The following ARHGAP18 variants were observed in gnomAD, a reference collection of about 807,000 sequenced individuals.
The protein encoded by ARHGAP18 is Rho GTPase activating protein 18, also known as rho GTPase-activating protein 18.
Under a neutral mutation model 86.2 loss-of-function variants are expected in ARHGAP18, and 67 were observed. The observed-to-expected ratio is 0.78, with a 90% confidence interval of 0.64 to 0.95. ARHGAP18 has a LOEUF of 0.95. Among genes scored for constraint, ARHGAP18 ranks in the 40% least tolerant of loss-of-function variants. The probability of loss-of-function intolerance (pLI) is 0.00; values close to 1 mark genes in which losing one functional copy is unlikely to be tolerated. For missense variants in ARHGAP18, 691 were observed against 780.4 expected, an observed-to-expected ratio of 0.89 and a Z score of 1.37; for synonymous variants, 283 against 280.4, an observed-to-expected ratio of 1.01 and a Z score of -0.09.
chr6:129,596,437 G>T (rs925021374), intron 12 of ARHGAP18, among the ~76,000 whole-genome samples: 1 of 152,094 alleles, frequency 6.6e-6, no homozygotes, highest in African/African-American at 2.4e-5. Flanking sequence ...ACTTAATAGT[G>T]CCAGGGGATC....
At chr6:129,594,091 G>A (rs1481847309) in intron 12 of ARHGAP18, among the ~76,000 whole-genome samples, 2 of 152,132 alleles carry the variant, frequency 1.3e-5, no homozygotes, top group African/African-American at 4.8e-5. Flanking sequence ...GACTACAGGT[G>A]CATGCCACTG....
intron 9 of ARHGAP18, 55 bp downstream of exon 9, chr6:129,607,838 A>T: frequency 6.7e-7 from 1 of 1,498,478 alleles, no homozygotes; most frequent in South Asian, 1.4e-5. Context: ...TCATTAAAAC[A>T]ATTAACATAG....
intron 1 of ARHGAP18, among the ~76,000 whole-genome samples, chr6:129,709,177 G>C (rs1293851260): frequency 6.6e-6 from 1 of 152,104 alleles, no homozygotes; most frequent in Non-Finnish European, 1.5e-5. Flanking sequence ...AGTGTTCTAG[G>C]CTATTAGGTT....
At chr6:129,651,993 G>A (rs1773721254) in intron 1 of ARHGAP18, among the ~76,000 whole-genome samples, 1 of 152,236 alleles carries the variant, frequency 6.6e-6, no homozygotes, top group African/African-American at 2.4e-5. Flanking sequence ...TGCCATCCGT[G>A]AGAAAGCCAG....
At chr6:129,630,108 T>G (rs1472386702) in intron 4 of ARHGAP18, among the ~76,000 whole-genome samples, 4 of 152,172 alleles carry the variant, frequency 2.6e-5, no homozygotes, top group Admixed American at 6.5e-5. Context: ...GGTACAGGAA[T>G]GGTTGGGTTT....
intron 1 of ARHGAP18, among the ~76,000 whole-genome samples, chr6:129,691,922 G>A (rs1220051460): frequency 3.3e-5 from 5 of 152,162 alleles, no homozygotes; most frequent in Admixed American, 3.3e-4. Context: ...GGCTGTTCTT[G>A]CAAGCCACCT....
intron 1 of ARHGAP18, among the ~76,000 whole-genome samples, chr6:129,690,521 A>G (rs11154491): frequency 0.17 from 25,460 of 152,168 alleles, 2,891 homozygotes; most frequent in African/African-American, 0.3. Context: ...TCACAAGTAC[A>G]ATTTTAGAAT....
chr6:129,641,977 G>A lies in ARHGAP18; in HGVS notation c.155C>T (p.Thr52Ile). The change falls in exon 2 of 15, where the codon ACC becomes ATC. Residue 52 changes from threonine (T) to isoleucine (I), a missense_variant. Coordinates refer to ENST00000368149, the MANE Select transcript of ARHGAP18 (RefSeq NM_033515.3). ...GQYTMNQESTTIKVMEKPPFD... is the reference protein window; with the variant it reads ...GQYTMNQESTIIKVMEKPPFD... ...TGGAGGCTTCTCCATAACTTTGATG[G>A]TGGTGCTTTCCTGGTTCATAGTGTA... 2 of 1,613,974 alleles carry A rather than the reference G, an allele frequency of 1.2e-6. No homozygotes were observed. The highest frequency in any genetic ancestry group is 1.7e-6 in the Non-Finnish European group (2 of 1,179,920).
intron 12 of ARHGAP18, among the ~76,000 whole-genome samples, chr6:129,592,197 C>G (rs374179052): frequency 7.2e-5 from 11 of 152,152 alleles, no homozygotes; most frequent in East Asian, 3.9e-4. Flanking sequence ...TCTGATTTTC[C>G]ACTTGGGTCC....
intron 1 of ARHGAP18, among the ~76,000 whole-genome samples, chr6:129,705,547 A>G (rs1643035116): frequency 6.6e-6 from 1 of 152,236 alleles, no homozygotes; most frequent in African/African-American, 2.4e-5. Flanking sequence ...TCAAAGGCCT[A>G]AACTTTTACA....
chr6:129,623,664 T>C (rs1471954696), intron 5 of ARHGAP18, among the ~76,000 whole-genome samples: 3 of 152,168 alleles, frequency 2.0e-5, no homozygotes, highest in Non-Finnish European at 4.4e-5. Flanking sequence ...GAGTAGTGAA[T>C]ACAAATCTTA....
At chr6:129,646,064 A>C (rs555252637) in intron 1 of ARHGAP18, among the ~76,000 whole-genome samples, 3 of 152,238 alleles carry the variant, frequency 2.0e-5, no homozygotes, top group East Asian at 3.9e-4. Flanking sequence ...CTTTACAAAG[A>C]GGTGGGGGTT....
chr6:129,632,596 G>C (rs1051284125), intron 4 of ARHGAP18, among the ~76,000 whole-genome samples: 3 of 152,136 alleles, frequency 2.0e-5, no homozygotes, highest in Admixed American at 2.0e-4. Context: ...AGGCAGGGTA[G>C]CTATGCCAGC....
rs574660850 is a variant in ARHGAP18, at chr6:129,687,087, G to A, written c.113+22937C>T. Among the ~76,000 whole-genome samples, 21 of 147,856 alleles carry A rather than the reference G, an allele frequency of 1.4e-4. 1 individual carries two copies. The highest frequency in any genetic ancestry group is 4.8e-4 in the African/African-American group (19 of 39,944). ...TATTCACACAACTCAGCCTCCGAAA[G>A]CTCTGGGATTACAGGCGTGAGTCAC... On this transcript the variant is annotated intron_variant, in intron 1 of 14. Coordinates refer to ENST00000368149, the MANE Select transcript of ARHGAP18 (RefSeq NM_033515.3).
chr6:129,618,565 T>C, intron 6 of ARHGAP18, 122 bp downstream of exon 6: 1 of 860,140 alleles, frequency 1.2e-6, no homozygotes, highest in East Asian at 2.7e-5. Flanking sequence ...AAACTTTAGA[T>C]GTATTCAAGT....
intron 10 of ARHGAP18, among the ~76,000 whole-genome samples, chr6:129,602,692 C>T (rs1395457169): frequency 6.6e-6 from 1 of 152,020 alleles, no homozygotes; most frequent in Non-Finnish European, 1.5e-5. Flanking sequence ...AACATGTTCT[C>T]AAATGAGGAC....
chr6:129,669,172 C>CTT (rs760713815), intron 1 of ARHGAP18, among the ~76,000 whole-genome samples: 14,726 of 144,888 alleles, frequency 0.1, 957 homozygotes, highest in African/African-American at 0.18. Context: ...CTAACACGCA[C>CTT]TTTTTTTTTT....
At chr6:129,629,666 G>A (rs1041105179) in intron 4 of ARHGAP18, 144 bp from the exon 5 acceptor site, 1 of 829,724 alleles carries the variant, frequency 1.2e-6, no homozygotes, top group East Asian at 2.8e-5. Context: ...ATACTAAAGA[G>A]TATACTCAAG....
chr6:129,686,166 G>A (rs1774420505), intron 1 of ARHGAP18, among the ~76,000 whole-genome samples: 1 of 152,158 alleles, frequency 6.6e-6, no homozygotes, highest in Non-Finnish European at 1.5e-5. Flanking sequence ...TCCCCTCTCT[G>A]GATAAAGGTT....
Sources: gnomAD v4.1 joint callset for allele counts (sites outside exome capture counted in the v4.1 genomes callset) on GRCh38, gnomAD v4.1.1 for gene constraint, MANE v1.5 for transcripts, NCBI Gene and HGNC (gene_info 2026-07-23, HGNC 2026-07-21) for gene names.